Variants in EXD2 observed in about 807,000 individuals in gnomAD.
EXD2 encodes exonuclease 3'-5' domain containing 2.
Under a neutral mutation model 62.5 loss-of-function variants are expected in EXD2, and 40 were observed. The ratio of observed to expected loss-of-function variants is 0.64; its 90% confidence interval spans 0.50 to 0.83. EXD2 has a LOEUF of 0.83. Ranked by LOEUF, EXD2 falls within the 40% of genes least tolerant of loss-of-function variation. EXD2 has a pLI of 0.00. For synonymous variants in EXD2, 239 were observed against 291.9 expected (o/e 0.82, Z 1.85); for missense variants, 671 against 761.8 (o/e 0.88, Z 1.40).
chr14:69,215,725 G>A (rs959572490), intron 3 of EXD2, among the ~76,000 whole-genome samples: 4 of 151,752 alleles, frequency 2.6e-5, no homozygotes, highest in Non-Finnish European at 5.9e-5. Flanking sequence ...GCATATTCCA[G>A]ATTACTAATG....
At chr14:69,199,682 A>G (rs1045099980) in intron 1 of EXD2, among the ~76,000 whole-genome samples, 1 of 152,084 alleles carries the variant, frequency 6.6e-6, no homozygotes, top group Non-Finnish European at 1.5e-5. Context: ...AGACATACAC[A>G]GAGTCAGGAT....
chr14:69,238,332 C>T (rs1416234957), intron 9 of EXD2, among the ~76,000 whole-genome samples: 1 of 152,144 alleles, frequency 6.6e-6, no homozygotes, highest in Non-Finnish European at 1.5e-5. Flanking sequence ...CCATGAGATA[C>T]AGTACATTCA....
chr14:69,233,403 T>G (rs2043654327), intron 5 of EXD2, among the ~76,000 whole-genome samples: 1 of 151,288 alleles, frequency 6.6e-6, no homozygotes, highest in South Asian at 2.1e-4. Context: ...AAATTTTAGT[T>G]TTTTTTTTAA....
intron 1 of EXD2, among the ~76,000 whole-genome samples, chr14:69,195,239 T>C: frequency 6.9e-6 from 1 of 145,972 alleles, no homozygotes; most frequent in Non-Finnish European, 1.5e-5. Context: ...AAAAGAGAGA[T>C]GAGGTCTCAC....
chr14:69,208,854 T>C (rs1232736030), intron 2 of EXD2: 1 of 152,204 alleles, frequency 6.6e-6, no homozygotes, highest in East Asian at 1.9e-4. Flanking sequence ...TGCTGAGCCT[T>C]CTGGAGCAAC....
At chr14:69,227,806 C>G (rs2043414383) in intron 3 of EXD2, 1 of 152,072 alleles carries the variant, frequency 6.6e-6, no homozygotes, top group East Asian at 1.9e-4. Flanking sequence ...TGCACTCAAG[C>G]CTGGGCGACA....
chr14:69,239,641 T>A (rs1352595425), intron 9 of EXD2, among the ~76,000 whole-genome samples: 1 of 152,256 alleles, frequency 6.6e-6, no homozygotes, highest in South Asian at 2.1e-4. Context: ...ATCTTAAATT[T>A]AAAAAATCTT....
chr14:69,236,224 TAAGGAAGAGGG>T, intron 7 of EXD2, 72 bp downstream of exon 7: 1 of 1,515,320 alleles, frequency 6.6e-7, no homozygotes. Flanking sequence ...GGGAGTGAGA[TAAGGAAGAGGG>T]AGGGATAGAA....
chr14:69,207,336 A>G (rs1413310863), intron 2 of EXD2, among the ~76,000 whole-genome samples: 14 of 152,082 alleles, frequency 9.2e-5, no homozygotes. Flanking sequence ...TCTACTAAAA[A>G]TACACAAATT....
chr14:69,209,375 A>G (rs1429850226), intron 2 of EXD2, 49 bp from the exon 3 acceptor site: 2 of 1,020,660 alleles, frequency 2.0e-6, no homozygotes, highest in Non-Finnish European at 2.7e-6. Flanking sequence ...TTGTTTATGT[A>G]AAGGTTTATA....
chr14:69,240,177 G>A (rs1186994787), intron 9 of EXD2, among the ~76,000 whole-genome samples: 1 of 152,186 alleles, frequency 6.6e-6, no homozygotes, highest in Non-Finnish European at 1.5e-5. Context: ...GTGTGTGTGG[G>A]CAGGGTGCTT....
In EXD2 at chr14:69,209,702, A is replaced by G; in HGVS notation, c.232A>G (p.Lys78Glu). 1 of 1,550,538 alleles carries G rather than the reference A, an allele frequency of 6.4e-7. No individual in the cohort carries two copies. The highest frequency in any genetic ancestry group is 8.7e-7 in the Non-Finnish European group (1 of 1,146,970). ...SSWKERILKA[K>E]VVTVSQEAEW... ...GTGGAAGGAACGGATCCTTAAAGCA[A>G]AGGTGGTGACGGTGTCTCAGGAGGC... Residue 78 changes from lysine to glutamate, a missense_variant, in exon 3 of 10, where the codon AAG (lysine) becomes GAG (glutamate). Lys to Glu is a moderately conservative substitution (Grantham distance 56). Coordinates refer to ENST00000685843, the MANE Select transcript of EXD2 (RefSeq NM_001193360.2).
At chr14:69,236,686 C>A in intron 8 of EXD2, 144 bp downstream of exon 8, 2 of 1,114,742 alleles carry the variant, frequency 1.8e-6, no homozygotes, top group Non-Finnish European at 2.6e-6. Context: ...TCCCCAAGAG[C>A]TTTGGTATTC....
At chr14:69,229,812 A>G (rs2043504406) in intron 4 of EXD2, among the ~76,000 whole-genome samples, 1 of 152,340 alleles carries the variant, frequency 6.6e-6, no homozygotes, top group South Asian at 2.1e-4. Context: ...GAAGTGACAC[A>G]GTCACTAAAA....
Position 69,220,311 on chromosome 14 carries a change from C to T in EXD2, c.334-8505C>T, listed in dbSNP as rs1287889507. On this transcript the variant is annotated intron_variant, in intron 3 of 9. Coordinates refer to ENST00000685843, the MANE Select transcript of EXD2 (RefSeq NM_001193360.2). ...TTTGAGACAGAGTCTCGCTCTGTCA[C>T]CCAGGCTGGAGTACAGTGGCATGAT... Among the ~76,000 whole-genome samples the T allele has an allele frequency of 7.1e-5, 8 of 112,510 alleles. No individual in the cohort carries two copies. The East Asian group carries it at 2.2e-3, about 31-fold the overall frequency. 73.8% of individuals were successfully genotyped at this position (112,510 alleles called of 152,430 possible).
Position 69,237,674 on chromosome 14 carries a change from C to T in EXD2, c.1392C>T (p.Ala464=). The T allele has an allele frequency of 6.2e-7, 1 of 1,614,228 alleles. No individual in the cohort carries two copies. Among genetic ancestry groups the T allele is most frequent in the Non-Finnish European group, 8.5e-7 (1 of 1,180,030 alleles). ...DVLLLCTSCH[A]ISNYYDNHLK... is the part of the protein sequence containing the mutation. ...TGCTGCTCTGCACCTCCTGCCATGC[C>T]ATTTCCAACTACTATGACAACCATC... Residue 464 remains alanine (A), a synonymous_variant, in exon 9 of 10, where the codon GCC becomes GCT. Transcript: ENST00000685843.
chr14:69,225,699 G>A (rs1427650479), intron 3 of EXD2, among the ~76,000 whole-genome samples: 1 of 152,094 alleles, frequency 6.6e-6, no homozygotes, highest in Non-Finnish European at 1.5e-5. Flanking sequence ...TAAGCCAAGG[G>A]TTTCTTGTTT....
At position 69,236,117 on chromosome 14, in the gene EXD2, G is replaced by T. The variant is rs891903700; in HGVS notation, c.1121G>T (p.Arg374Ile). The T allele has an allele frequency of 1.9e-6, 3 of 1,614,072 alleles. No individual in the cohort carries two copies. In the African/African-American group the frequency reaches 4.0e-5, roughly 22 times the overall value. ...DGQPLCTCDR[R>I]KAQWYLDKGI... Reference sequence around the variant, plus strand: ...CAGCCCCTCTGCACTTGTGATAGAAGAAAAGCTCAGTGGTACCTGGACAAA... The same window carrying T: ...CAGCCCCTCTGCACTTGTGATAGAATAAAAGCTCAGTGGTACCTGGACAAA... Residue 374 changes from arginine (R) to isoleucine (I), a missense_variant, in exon 7 of 10, where the codon AGA becomes ATA. Coordinates refer to ENST00000685843, the MANE Select transcript of EXD2 (RefSeq NM_001193360.2).
At position 69,241,294 on chromosome 14, in the gene EXD2, T is replaced by A. The variant is rs1460499622; in HGVS notation, c.*194T>A. ...AAGGAGAGTTTATGGTTTTGGATTT[T>A]AAACGGGCAGGGTCTTTTTTCCTCT... On this transcript the variant is annotated 3_prime_UTR_variant, in exon 10 of 10. Transcript: ENST00000685843. 1.8e-6 allele frequency: 1 copy of A among 552,840 alleles called. No individual in the cohort carries two copies. Among genetic ancestry groups the A allele is most frequent in the Admixed American group, 3.2e-5 (1 of 31,644 alleles). 34.2% of individuals were successfully genotyped at this position (552,840 alleles called of 1,614,324 possible).
Sources: allele counts gnomAD v4.1 joint callset (sites outside exome capture counted in the v4.1 genomes callset), GRCh38; gene constraint gnomAD v4.1.1; transcripts MANE v1.5; gene names NCBI Gene and HGNC (gene_info 2026-07-23, HGNC 2026-07-21).